The following PDRG1 variants were observed in gnomAD, a reference collection of about 807,000 sequenced individuals.
PDRG1 encodes the protein p53 and DNA damage-regulated protein 1.
Under a neutral mutation model 18.4 loss-of-function variants are expected in PDRG1, and 14 were observed. That is an observed-to-expected ratio of 0.76 (90% CI 0.50 to 1.19). PDRG1 has a LOEUF of 1.19. PDRG1 is among the 50% of genes most tolerant of loss of function. PDRG1 has a pLI of 0.00. For missense variants in PDRG1, 177 were observed against 160.1 expected, an observed-to-expected ratio of 1.11 and a Z score of -0.57; for synonymous variants, 65 against 60.9, an observed-to-expected ratio of 1.07 and a Z score of -0.31.
At chr20:31,948,918 T>G in intron 2 of PDRG1, 36 bp from the exon 3 acceptor site, 1 of 1,594,568 alleles carries the variant, frequency 6.3e-7, no homozygotes, top group Non-Finnish European at 8.6e-7. Flanking sequence ...CAACAATTTT[T>G]TTTTGAGTAC....
chr20:31,948,320 G>T (rs2064331334), intron 3 of PDRG1, among the ~76,000 whole-genome samples: 3 of 152,222 alleles, frequency 2.0e-5, no homozygotes, highest in Non-Finnish European at 4.4e-5. Context: ...AGAAGGCAAA[G>T]CTCTATGTGG....
At chr20:31,947,989 T>A (rs1330201181) in intron 3 of PDRG1, among the ~76,000 whole-genome samples, 1 of 152,224 alleles carries the variant, frequency 6.6e-6, no homozygotes, top group Non-Finnish European at 1.5e-5. Context: ...TTCAAGGTTA[T>A]GGAAGAAAAA....
At chr20:31,945,988 A>C in intron 4 of PDRG1, 99 bp from the exon 5 acceptor site, 15 of 957,664 alleles carry the variant, frequency 1.6e-5, no homozygotes, top group Non-Finnish European at 2.2e-5. Context: ...TGCCAAACTC[A>C]GCCTGGAGGT....
intron 4 of PDRG1, 66 bp from the exon 5 acceptor site, chr20:31,945,955 A>C: frequency 7.3e-7 from 1 of 1,367,900 alleles, no homozygotes; most frequent in Non-Finnish European, 1.0e-6. Flanking sequence ...GGCCCAGGAA[A>C]GGGGCTGACG....
Position 31,952,038 on chromosome 20 carries a change from T to C in PDRG1, c.-77A>G. On this transcript the variant is annotated 5_prime_UTR_variant, in exon 1 of 5. Coordinates refer to ENST00000202017, the MANE Select transcript of PDRG1 (RefSeq NM_030815.3). ...TCGACTCCCGCTGCGCACGCGCCGC[T>C]CTCTAGGTGCTTCCGGCGCGCCTGC... The C allele has an allele frequency of 6.8e-7, 1 of 1,462,818 alleles. No homozygotes were observed. The highest frequency in any genetic ancestry group is 9.0e-7 in the Non-Finnish European group (1 of 1,108,230). The allele number at this position is 1,462,818 out of a possible 1,614,324, so 90.6% of individuals were successfully genotyped here.
Position 31,945,472 on chromosome 20 carries a change from A to G in PDRG1, c.*335T>C, listed in dbSNP as rs538704302. On this transcript the variant is annotated 3_prime_UTR_variant, in exon 5 of 5. Coordinates refer to ENST00000202017, the MANE Select transcript of PDRG1 (RefSeq NM_030815.3). ...CTCCCTCCTTCCTTGCTCAGGGTCC[A>G]TGTGAACAGCAGGCCATTGTTGGGA... is the stretch of plus-strand genomic sequence containing the variant. The G allele has an allele frequency of 4.6e-6, 1 of 217,280 alleles. No homozygotes were observed. The highest frequency in any genetic ancestry group is 9.3e-5 in the South Asian group (1 of 10,696). The allele number at this position is 217,280 out of a possible 1,614,324, so 13.5% of individuals were successfully genotyped here.
At chr20:31,947,413 C>G (rs2064325874) in intron 3 of PDRG1, among the ~76,000 whole-genome samples, 1 of 152,226 alleles carries the variant, frequency 6.6e-6, no homozygotes, top group Non-Finnish European at 1.5e-5. Context: ...GGTACAGTGA[C>G]AAGACGACAT....
intron 3 of PDRG1, among the ~76,000 whole-genome samples, chr20:31,946,850 G>T (rs182032481): frequency 6.6e-6 from 1 of 152,304 alleles, no homozygotes; most frequent in African/African-American, 2.4e-5. Context: ...GGATGGAGAA[G>T]GCAACATCAG....
rs773372862 is a variant in PDRG1 at position 31,950,396 on chromosome 20, C to G, written c.88-9G>C. Reference sequence around the variant, plus strand: ...GTGTCCAGGTCCACAATCTGAAAACCACAGGGACAGGAGGGAACTCAGCTA... The same window carrying G: ...GTGTCCAGGTCCACAATCTGAAAACGACAGGGACAGGAGGGAACTCAGCTA... On this transcript the variant is annotated splice_polypyrimidine_tract_variant and intron_variant, in intron 1 of 4. Coordinates refer to ENST00000202017, the MANE Select transcript of PDRG1 (RefSeq NM_030815.3). 1.2e-6 allele frequency: 2 copies of G among 1,605,678 alleles called. No individual in the cohort carries two copies. The highest frequency in any genetic ancestry group is 1.7e-6 in the Non-Finnish European group (2 of 1,172,328).
Position 31,952,000 on chromosome 20 carries a change from C to T in PDRG1, c.-39G>A, listed in dbSNP as rs769765584. On this transcript the variant is annotated 5_prime_UTR_variant, in exon 1 of 5. Coordinates refer to ENST00000202017, the MANE Select transcript of PDRG1 (RefSeq NM_030815.3). The stretch of plus-strand genomic sequence containing the variant: ...TCCGCTTGCGGCTCTCGCGCGACCC[C>T]GGGATCTCCGCTTCGACTCCCGCTG... 6.7e-7 allele frequency: 1 copy of T among 1,501,418 alleles called. No homozygotes were observed. The highest frequency in any genetic ancestry group is 8.9e-7 in the Non-Finnish European group (1 of 1,128,412). The allele number at this position is 1,501,418 out of a possible 1,614,324, so 93.0% of individuals were successfully genotyped here. A position where few individuals can be genotyped will look rare whatever the true frequency, so the allele number is the denominator to read the frequency against.
chr20:31,945,727 T>C lies in PDRG1; in HGVS notation c.*80A>G. 1.7e-6 allele frequency: 2 copies of C among 1,180,840 alleles called. No individual in the cohort carries two copies. Among genetic ancestry groups the C allele is most frequent in the South Asian group, 2.6e-5 (2 of 75,624 alleles). 73.1% of individuals were successfully genotyped at this position (1,180,840 alleles called of 1,614,324 possible). On this transcript the variant is annotated 3_prime_UTR_variant, in exon 5 of 5. Transcript: ENST00000202017. ...GCCCCTTACAGGGCAGATCCTGTCC[T>C]TACAGGTGTCAAGGTTGGAGGGTCC... is the stretch of plus-strand genomic sequence containing the variant.
At chr20:31,948,624 C>T (rs2064333156) in intron 3 of PDRG1, among the ~76,000 whole-genome samples, 184 bp downstream of exon 3, 1 of 144,734 alleles carries the variant, frequency 6.9e-6, no homozygotes, top group African/African-American at 2.6e-5. Context: ...CAGATGCATC[C>T]CCCTCTTAGA....
chr20:31,945,884 G>A lies in PDRG1; in HGVS notation c.325C>T (p.Pro109Ser), dbSNP rs1474334986. 1 of 1,613,092 alleles carries A rather than the reference G, an allele frequency of 6.2e-7. No individual in the cohort carries two copies. The highest frequency in any genetic ancestry group is 1.3e-5 in the African/African-American group (1 of 74,910). The change falls in exon 5 of 5, where the codon CCG becomes TCG. Residue 109 changes from proline to serine, a missense_variant. By Grantham distance (74) the Pro-to-Ser change is moderately conservative. Coordinates refer to ENST00000202017, the MANE Select transcript of PDRG1 (RefSeq NM_030815.3). ...TTCAAGTTAAAACCCTTCAGCTCCG[G>A]TTTGCCTAGGAGAGAAGATGATCCA... is the stretch of plus-strand genomic sequence containing the variant. The part of the protein sequence containing the change: ...VNRLFEAQGK[P>S]ELKGFNLNPL...
At position 31,950,341 on chromosome 20, in the gene PDRG1, C is replaced by T. The variant is rs746198655; in HGVS notation, c.134G>A (p.Arg45Lys). 6 of 1,612,776 alleles carry T rather than the reference C, an allele frequency of 3.7e-6. No individual in the cohort carries two copies. The Admixed American group carries it at 1.0e-4, about 27-fold the overall frequency. ...GAGGCTGAGATCCTTCTGCAGGGCC[C>T]TCAGGCCCTCTCGATTCTGATTCCT... ...TKRNQNREGL[R>K]ALQKDLSLSE... is the part of the protein sequence containing the mutation. The change falls in exon 2 of 5, where the codon AGG becomes AAG. Residue 45 changes from arginine to lysine, a missense_variant. Physicochemically the swap from Arg to Lys is conservative, Grantham distance 26. Coordinates refer to ENST00000202017, the MANE Select transcript of PDRG1 (RefSeq NM_030815.3).
Position 31,945,188 on chromosome 20 carries a change from TA to T in PDRG1, c.*618del, listed in dbSNP as rs1238598369. ...CAGGACTCTGCAAGGCCCTCCTGAG[TA>T]AAGAGTGGCCACGAAGGGCTGCTAG... is the stretch of plus-strand genomic sequence containing the variant. On this transcript the variant is annotated 3_prime_UTR_variant, in exon 5 of 5. Transcript: ENST00000202017. 1 of 152,394 alleles carries T rather than the reference TA, an allele frequency of 6.6e-6. No homozygotes were observed. The highest frequency in any genetic ancestry group is 1.5e-5 in the Non-Finnish European group (1 of 68,194). The allele number at this position is 152,394 out of a possible 1,614,324, so 9.4% of individuals were successfully genotyped here.
rs1600642466 is a variant in PDRG1, at chr20:31,944,551, C to T, written c.*1256G>A. Reference sequence around the variant, plus strand: ...AAGACACCAGCCTTCCCCTTGCTTTCCTCACTTGATGTATCTTGGAGCTTG... The same window carrying T: ...AAGACACCAGCCTTCCCCTTGCTTTTCTCACTTGATGTATCTTGGAGCTTG... On this transcript the variant is annotated 3_prime_UTR_variant, in exon 5 of 5. Transcript: ENST00000202017. 1 of 152,322 alleles carries T rather than the reference C, an allele frequency of 6.6e-6. No individual in the cohort carries two copies. The highest frequency in any genetic ancestry group is 6.5e-5 in the Admixed American group (1 of 15,290). 9.4% of individuals were successfully genotyped at this position (152,322 alleles called of 1,614,324 possible). A position where few individuals can be genotyped will look rare whatever the true frequency, so the allele number is the denominator to read the frequency against.
intron 2 of PDRG1, 35 bp from the exon 3 acceptor site, chr20:31,948,917 T>C: frequency 6.3e-7 from 1 of 1,595,028 alleles, no homozygotes; most frequent in Non-Finnish European, 8.6e-7. Context: ...TCAACAATTT[T>C]TTTTTGAGTA....
chr20:31,946,389 C>T, intron 4 of PDRG1, 107 bp downstream of exon 4: 1 of 1,074,508 alleles, frequency 9.3e-7, no homozygotes, highest in Non-Finnish European at 1.4e-6. Context: ...CACAGGCTGC[C>T]CCGGACACTG....
chr20:31,947,653 G>A (rs2064327144), intron 3 of PDRG1, among the ~76,000 whole-genome samples: 1 of 152,214 alleles, frequency 6.6e-6, no homozygotes, highest in Admixed American at 6.5e-5. Flanking sequence ...ACTTTGGTGG[G>A]AGGCCAAGGT....
Sources: allele counts gnomAD v4.1 joint callset (sites outside exome capture counted in the v4.1 genomes callset), GRCh38; gene constraint gnomAD v4.1.1; transcripts MANE v1.5; gene names NCBI Gene and HGNC (gene_info 2026-07-23, HGNC 2026-07-21).